ZNF185: variants seen among roughly 807,000 people sequenced by gnomAD.
ZNF185 encodes the protein zinc finger protein 185.
In ZNF185, 56 loss-of-function variants were observed where a neutral mutation model predicts 58.6. The ratio of observed to expected loss-of-function variants is 0.95; its 90% CI spans 0.77 to 1.19. ZNF185 has a LOEUF of 1.19. Ranked by LOEUF, ZNF185 falls within the 50% of genes most tolerant of loss-of-function variation. ZNF185 has a pLI of 0.00. For synonymous variants in ZNF185, 230 were observed against 215.9 expected, an observed-to-expected ratio of 1.07 and a Z score of -0.57; for missense variants, 627 against 573.5, an observed-to-expected ratio of 1.09 and a Z score of -0.95.
At chrX:152,921,884 T>C (rs1187986864) in intron 9 of ZNF185, among the ~76,000 whole-genome samples, 7 of 112,012 alleles carry the variant, frequency 6.2e-5, no homozygotes, top group African/African-American at 2.3e-4. Context: ...GGACCCATCC[T>C]ACTCCAGTAT....
chrX:152,923,518 G>A (rs1940198142), intron 11 of ZNF185, among the ~76,000 whole-genome samples: 1 of 112,439 alleles, frequency 8.9e-6, no homozygotes, highest in South Asian at 3.7e-4. Context: ...GATGTGGAAA[G>A]GAAGATTTGA....
At chrX:152,918,906 ATTG>A in intron 6 of ZNF185, 74 bp from the exon 8 acceptor site, 1 of 744,398 alleles carries the variant, frequency 1.3e-6, no homozygotes, top group East Asian at 3.3e-5. Context: ...TTGCCTCGTC[ATTG>A]TTGTTGAAAG....
upstream of ZNF185, among the ~76,000 whole-genome samples, chrX:152,909,833 G>A (rs1936869890): frequency 9.0e-6 from 1 of 111,163 alleles, no homozygotes; most frequent in Non-Finnish European, 1.9e-5. Flanking sequence ...GAGCAAGCAA[G>A]AGAAGTCCCT....
At chrX:152,942,912 C>T (rs782133153) in intron 15 of ZNF185, among the ~76,000 whole-genome samples, 1 of 111,250 alleles carries the variant, frequency 9.0e-6, no homozygotes, top group African/African-American at 3.3e-5. Context: ...TTGAGATCAG[C>T]GTGGGCAACG....
intron 3 of ZNF185, among the ~76,000 whole-genome samples, chrX:152,916,598 G>A (rs1261195064): frequency 2.7e-5 from 3 of 112,118 alleles, no homozygotes; most frequent in Non-Finnish European, 5.6e-5. Context: ...AGAGGGCCCC[G>A]AGGGACAGGA....
chrX:152,900,299 T>TAC, the ZNF185 span, among the ~76,000 whole-genome samples: 3 of 113,000 alleles, frequency 2.7e-5, no homozygotes, highest in South Asian at 1.1e-3. Context: ...CAATTCTGGC[T>TAC]CGGTGCATTC....
At chrX:152,970,357 C>T in intron 21 of ZNF185, 86 bp from the exon 24 acceptor site, 1 of 887,379 alleles carries the variant, frequency 1.1e-6, no homozygotes. Flanking sequence ...TCTGCTCGCC[C>T]ACCTTGTTCA....
chrX:152,958,150 C>T (rs1340373958), intron 16 of ZNF185, among the ~76,000 whole-genome samples: 5 of 112,178 alleles, frequency 4.5e-5, no homozygotes, highest in Non-Finnish European at 7.5e-5. Flanking sequence ...TGCTGCCTCC[C>T]GGGCGTAATG....
At chrX:152,932,625 C>T (rs181671148) in intron 13 of ZNF185, among the ~76,000 whole-genome samples, 4 of 111,986 alleles carry the variant, frequency 3.6e-5, no homozygotes, top group Admixed American at 2.8e-4. Context: ...ATCAGCTCCC[C>T]CCACCACCAA....
chrX:152,938,070 T>G lies in ZNF185; in HGVS notation c.1122-4T>G. ...TCTCAGCAGGCCTGTGTTTCCTTCC[T>G]CAGCTCCAGTGCCACTTCAGTCTCT... is the stretch of plus-strand genomic sequence containing the variant. On this transcript the variant is annotated splice_region_variant and splice_polypyrimidine_tract_variant and intron_variant, in intron 14 of 22. Transcript: ENST00000449285. The G allele has an allele frequency of 1.7e-6, 2 of 1,174,241 alleles. No individual in the cohort carries two copies. Among genetic ancestry groups the G allele is most frequent in the Non-Finnish European group, 2.3e-6 (2 of 876,188 alleles).
intron 15 of ZNF185, chrX:152,941,733 C>G (rs868963845): frequency 2.6e-6 from 3 of 1,163,746 alleles, no homozygotes; most frequent in Non-Finnish European, 3.4e-6. Context: ...CGAGCTCGGC[C>G]TCGGCGGGGA....
intron 11 of ZNF185, among the ~76,000 whole-genome samples, chrX:152,925,528 G>A (rs1451840312): frequency 8.9e-6 from 1 of 112,058 alleles, no homozygotes; most frequent in Non-Finnish European, 1.9e-5. Context: ...AGGAGGCTCA[G>A]CTTGATGCTT....
intron 15 of ZNF185, 58 bp from the exon 18 acceptor site, chrX:152,945,209 G>T: frequency 8.8e-7 from 1 of 1,133,424 alleles, no homozygotes; most frequent in Non-Finnish European, 1.2e-6. Flanking sequence ...GCGTCCTGGG[G>T]CTGAGGCAGG....
exon 23 of ZNF185, chrX:152,972,528 G>T (rs2050712513): frequency 9.1e-6 from 1 of 110,488 alleles, no homozygotes; most frequent in African/African-American, 3.3e-5. Flanking sequence ...CCTCCAAACT[G>T]AGATGCTTTC....
At chrX:152,967,167 C>T (rs1005879356) in exon 20 of ZNF185, 9 of 1,208,644 alleles carry the variant, frequency 7.4e-6, no homozygotes, top group African/African-American at 5.2e-5. Flanking sequence ...CTCCCTGCAG[C>T]GTCAGCAGCA....
exon 11 of ZNF185, chrX:152,922,803 A>G (rs1327925969): frequency 8.4e-7 from 1 of 1,193,338 alleles, no homozygotes; most frequent in East Asian, 3.0e-5. Context: ...GGGAGCCAGG[A>G]GCTCAGGTGG....
intron 16 of ZNF185, among the ~76,000 whole-genome samples, chrX:152,955,952 G>A (rs1359406575): frequency 9.1e-6 from 1 of 110,239 alleles, no homozygotes; most frequent in East Asian, 2.8e-4. Context: ...TCACTTAGGT[G>A]AGAGTGTGAC....
chrX:152,928,672 C>G lies in ZNF185; in HGVS notation c.917+11C>G, dbSNP rs782702725. 2 of 1,206,279 alleles carry G rather than the reference C, an allele frequency of 1.7e-6. No individual in the cohort carries two copies. Among genetic ancestry groups the G allele is most frequent in the South Asian group, 3.5e-5 (2 of 56,612 alleles). ...CGTGGAAGGCATGAGGTATGGGGGT[C>G]CTGCTGCTGTCCTGGCTCCCTGGAC... is the stretch of plus-strand genomic sequence containing the variant. On this transcript the variant is annotated intron_variant, in intron 12 of 22. Coordinates refer to ENST00000449285, the Ensembl canonical transcript of ZNF185.
At chrX:152,965,323 T>G in intron 18 of ZNF185, 124 bp from the exon 21 acceptor site, 5 of 539,839 alleles carry the variant, frequency 9.3e-6, no homozygotes, top group South Asian at 3.3e-5. Context: ...GGCCTTCCCA[T>G]GAGCTCTTTC....
Sources: allele counts gnomAD v4.1 joint callset (sites outside exome capture counted in the v4.1 genomes callset), GRCh38; gene constraint gnomAD v4.1.1; transcripts MANE v1.5; gene names NCBI Gene and HGNC (gene_info 2026-07-23, HGNC 2026-07-21).